The following C12orf42 variants were observed in gnomAD, a reference collection of about 807,000 sequenced individuals.
C12orf42 encodes uncharacterized protein C12orf42.
Under a neutral mutation model 21.6 loss-of-function variants are expected in C12orf42, and 25 were observed. The observed-to-expected ratio is 1.16, with a 90% CI of 0.84 to 1.62. C12orf42 has a LOEUF of 1.62. Ranked by LOEUF, C12orf42 falls within the 40% of genes most tolerant of loss-of-function variation. The pLI, the probability that C12orf42 is intolerant of heterozygous loss-of-function variation, is 0.00. For missense variants in C12orf42, 483 were observed against 459.3 expected (o/e 1.05, Z -0.47); for synonymous variants, 174 against 175.0 (o/e 0.99, Z 0.05).
chr12:103,433,368 C>T (rs1194574609), intron 2 of C12orf42, among the ~76,000 whole-genome samples: 1 of 152,124 alleles, frequency 6.6e-6, no homozygotes, highest in East Asian at 1.9e-4. Context: ...GAGGAATTCA[C>T]AAGGAAAGCA....
At chr12:103,454,633 A>G (rs1373516250) in intron 2 of C12orf42, among the ~76,000 whole-genome samples, 6 of 152,110 alleles carry the variant, frequency 3.9e-5, no homozygotes, top group African/African-American at 1.4e-4. Context: ...TTACTTCACA[A>G]TTCTATCCCT....
the C12orf42 span, among the ~76,000 whole-genome samples, chr12:103,074,931 TA>T: frequency 3.3e-5 from 5 of 151,584 alleles, no homozygotes; most frequent in South Asian, 2.1e-4. Flanking sequence ...ACAAAAATAA[TA>T]AAAAAAATTA....
the C12orf42 span, among the ~76,000 whole-genome samples, chr12:103,105,542 C>T: frequency 6.6e-6 from 1 of 152,108 alleles, no homozygotes; most frequent in East Asian, 1.9e-4. Flanking sequence ...CTACCAAGTA[C>T]TATGCTCCCT....
the C12orf42 span, among the ~76,000 whole-genome samples, chr12:103,208,326 C>A: frequency 6.6e-6 from 1 of 152,162 alleles, no homozygotes; most frequent in Non-Finnish European, 1.5e-5. Context: ...GATGGCTCCC[C>A]ACACGGCCCC....
At chr12:103,173,703 G>A in the C12orf42 span, among the ~76,000 whole-genome samples, 1 of 151,952 alleles carries the variant, frequency 6.6e-6, no homozygotes, top group African/African-American at 2.4e-5. Flanking sequence ...TCCTCTCCCC[G>A]TGATTCTTTC....
At chr12:103,340,461 T>C (rs2042067171) in intron 4 of C12orf42, among the ~76,000 whole-genome samples, 1 of 152,238 alleles carries the variant, frequency 6.6e-6, no homozygotes, top group Non-Finnish European at 1.5e-5. Flanking sequence ...TCTATTGTCC[T>C]GACTTAATAA....
chr12:103,195,131 C>A, the C12orf42 span, among the ~76,000 whole-genome samples: 1 of 152,062 alleles, frequency 6.6e-6, no homozygotes, highest in Admixed American at 6.5e-5. Context: ...CGTGGTTTTG[C>A]TTTTTTATGG....
intron 2 of C12orf42, among the ~76,000 whole-genome samples, chr12:103,429,276 G>A (rs1950086660): frequency 6.6e-6 from 1 of 152,158 alleles, no homozygotes; most frequent in Non-Finnish European, 1.5e-5. Context: ...CAAAGTCTCA[G>A]GATACAAAAT....
intron 1 of C12orf42, among the ~76,000 whole-genome samples, chr12:103,482,229 C>A (rs1954523042): frequency 6.6e-6 from 1 of 152,058 alleles, no homozygotes; most frequent in Admixed American, 6.5e-5. Context: ...TTTACAATCA[C>A]CTTTAGTGAG....
intron 2 of C12orf42, among the ~76,000 whole-genome samples, chr12:103,434,864 A>T (rs1288183130): frequency 6.6e-6 from 1 of 152,218 alleles, no homozygotes; most frequent in Non-Finnish European, 1.5e-5. Context: ...AGGTAAACAA[A>T]GCAGCCGGGA....
Position 103,493,738 on chromosome 12 carries a change from AAC to A in C12orf42, c.-22+2162_-22+2163del, listed in dbSNP as rs1277834842. On this transcript the variant is annotated intron_variant, in intron 1 of 5. Transcript: ENST00000548883. ...AAGGGGAGACAAAAAAAAAAAAAAAAACCTTAGAGATAAGAAAAAGGAGAAAA... is the reference window on the plus strand; with the variant it reads ...AAGGGGAGACAAAAAAAAAAAAAAAACTTAGAGATAAGAAAAAGGAGAAAA... Among the ~76,000 whole-genome samples the A allele has an allele frequency of 7.9e-5, 12 of 151,490 alleles. 1 individual carries two copies. The highest frequency in any genetic ancestry group is 2.6e-4 in the Admixed American group (4 of 15,216).
At chr12:103,507,187 A>T in the C12orf42 span, among the ~76,000 whole-genome samples, 1 of 21,250 alleles carries the variant, frequency 4.7e-5, no homozygotes, top group Non-Finnish European at 5.9e-5. Context: ...ATTATATATA[A>T]TATATATATA....
chr12:103,464,424 T>TA (rs1185317635), intron 2 of C12orf42, among the ~76,000 whole-genome samples: 1 of 151,426 alleles, frequency 6.6e-6, no homozygotes, highest in Non-Finnish European at 1.5e-5. Flanking sequence ...GGGTTTTTTT[T>TA]TTTCTTGTAA....
chr12:103,559,283 G>T, the C12orf42 span: 1 of 118,020 alleles, frequency 8.5e-6, no homozygotes, highest in Non-Finnish European at 2.1e-5. Context: ...GAGATTCCTA[G>T]TTGGTAGCAC....
the C12orf42 span, among the ~76,000 whole-genome samples, chr12:103,206,470 CA>C: frequency 6.6e-6 from 1 of 151,828 alleles, no homozygotes; most frequent in Non-Finnish European, 1.5e-5. Context: ...GTGGTAGTTG[CA>C]TAAGTGTTAT....
chr12:103,266,815 C>T (rs551314674), downstream of C12orf42, among the ~76,000 whole-genome samples: 1 of 152,090 alleles, frequency 6.6e-6, no homozygotes, highest in South Asian at 2.1e-4. Context: ...ATTCCAGTCA[C>T]CAGGTGTCAC....
intron 4 of C12orf42, among the ~76,000 whole-genome samples, chr12:103,331,461 T>C (rs1177417802): frequency 1.3e-5 from 2 of 152,230 alleles, no homozygotes; most frequent in African/African-American, 2.4e-5. Context: ...ATCAAATGTT[T>C]GAGTAACTGT....
At chr12:103,201,630 G>A in the C12orf42 span, among the ~76,000 whole-genome samples, 2 of 152,088 alleles carry the variant, frequency 1.3e-5, no homozygotes, top group East Asian at 1.9e-4. Context: ...AACTCCTCAC[G>A]TAGTTGTAAG....
intron 2 of C12orf42, among the ~76,000 whole-genome samples, chr12:103,403,303 G>A (rs184325467): frequency 6.6e-6 from 1 of 151,776 alleles, no homozygotes; most frequent in Admixed American, 6.5e-5. Flanking sequence ...GTGAACCTGG[G>A]AGGCAGAGCT....
Sources: allele counts gnomAD v4.1 joint callset (sites outside exome capture counted in the v4.1 genomes callset), GRCh38; gene constraint gnomAD v4.1.1; transcripts MANE v1.5; gene names NCBI Gene and HGNC (gene_info 2026-07-23, HGNC 2026-07-21).